FMN1: variants seen among roughly 807,000 people sequenced by gnomAD.
The protein encoded by FMN1 is formin 1, also known as formin-1.
A neutral mutation model predicts 132.4 loss-of-function variants in FMN1; 110 were observed. The ratio of observed to expected loss-of-function variants is 0.83; its 90% CI spans 0.71 to 0.97. The LOEUF is 0.97. Among genes scored for constraint, FMN1 ranks in the 50% least tolerant of loss-of-function variants. The pLI, the probability that FMN1 is intolerant of heterozygous loss-of-function variation, is 0.00. For synonymous variants in FMN1, 722 were observed against 651.7 expected (o/e 1.11, Z -1.64); for missense variants, 1,792 against 1,705.3 (o/e 1.05, Z -0.90).
chr15:33,084,366 C>T (rs1382306985), intron 5 of FMN1, among the ~76,000 whole-genome samples: 1 of 152,130 alleles, frequency 6.6e-6, no homozygotes, highest in Non-Finnish European at 1.5e-5. Flanking sequence ...AAGAGGGGGT[C>T]ATAGGAACCT....
intron 6 of FMN1, among the ~76,000 whole-genome samples, chr15:33,015,037 A>G (rs1236882188): frequency 6.6e-6 from 1 of 152,258 alleles, no homozygotes; most frequent in Non-Finnish European, 1.5e-5. Context: ...CTTACTTTAC[A>G]GATGAGAAAA....
chr15:32,968,814 G>A lies in FMN1; in HGVS notation c.2887C>T (p.Leu963Phe). 1 of 1,611,558 alleles carries A rather than the reference G, an allele frequency of 6.2e-7. No homozygotes were observed. Among genetic ancestry groups the A allele is most frequent in the East Asian group, 2.2e-5 (1 of 44,714 alleles). Residue 963 changes from leucine (L) to phenylalanine (F), a missense_variant, in exon 8 of 21, where the codon CTT (leucine) becomes TTT (phenylalanine). By Grantham distance (22) the Leu-to-Phe change is conservative. Transcript: ENST00000616417. ...PPPPPGLFFG[L>F]GSSSSQCPRK... ...GGACATTGACTGGAAGAAGAGCCAAGTCCAAAGAAGAGTCCAGGGGGAGGT... is the reference window on the plus strand; with the variant it reads ...GGACATTGACTGGAAGAAGAGCCAAATCCAAAGAAGAGTCCAGGGGGAGGT...
intron 13 of FMN1, among the ~76,000 whole-genome samples, chr15:32,901,413 T>C (rs1264406022): frequency 6.6e-6 from 1 of 152,242 alleles, no homozygotes; most frequent in Non-Finnish European, 1.5e-5. Context: ...GGTGCTAGAA[T>C]TTAACCTTAT....
Position 33,084,484 on chromosome 15 carries a change from A to G in FMN1, c.2043+4315T>C, listed in dbSNP as rs114385229. On this transcript the variant is annotated intron_variant, in intron 5 of 20. Coordinates refer to ENST00000616417, the MANE Select transcript of FMN1 (RefSeq NM_001277313.2). ...TGGGACCGAATCCTTAACTTGTGGG[A>G]TGTGGCTACAGTTCCAAGTAGATCG... 2.1e-3 allele frequency among the ~76,000 whole-genome samples: 325 copies of G among 152,180 alleles called. 3 individuals are homozygous for G. The highest frequency in any genetic ancestry group is 7.7e-3 in the African/African-American group (320 of 41,504).
intron 9 of FMN1, among the ~76,000 whole-genome samples, chr15:32,959,581 T>C (rs574872071): frequency 9.8e-5 from 15 of 152,320 alleles, no homozygotes; most frequent in African/African-American, 3.6e-4. Flanking sequence ...ACTACACAAG[T>C]GCACGGATTC....
At chr15:33,097,364 G>T (rs2039128285) in intron 4 of FMN1, among the ~76,000 whole-genome samples, 1 of 150,004 alleles carries the variant, frequency 6.7e-6, no homozygotes, top group Admixed American at 6.6e-5. Context: ...AATACTTAAA[G>T]AAGTATTGGC....
intron 6 of FMN1, among the ~76,000 whole-genome samples, chr15:33,016,827 G>T (rs12050843): frequency 0.26 from 39,571 of 152,060 alleles, 5,451 homozygotes; most frequent in Non-Finnish European, 0.31. Flanking sequence ...CGCAGGAGAT[G>T]TGAACCACAC....
chr15:32,862,360 T>C (rs921150938), intron 16 of FMN1, among the ~76,000 whole-genome samples: 1 of 152,216 alleles, frequency 6.6e-6, no homozygotes, highest in Non-Finnish European at 1.5e-5. Context: ...CACAATTTTT[T>C]GGCAATTAAA....
intron 9 of FMN1, among the ~76,000 whole-genome samples, chr15:32,950,421 G>C (rs921455927): frequency 6.6e-6 from 1 of 151,962 alleles, no homozygotes. Context: ...CAATAGCAAA[G>C]ACATGGAATC....
intron 4 of FMN1, among the ~76,000 whole-genome samples, chr15:33,133,371 C>G (rs1186618216): frequency 6.6e-6 from 1 of 152,186 alleles, no homozygotes; most frequent in Admixed American, 6.5e-5. Flanking sequence ...GTCTTCTGGT[C>G]TCTAAGGAAC....
intron 9 of FMN1, among the ~76,000 whole-genome samples, chr15:32,952,141 CTAAG>C (rs1281900500): frequency 6.6e-6 from 1 of 152,156 alleles, no homozygotes; most frequent in Non-Finnish European, 1.5e-5. Flanking sequence ...TTTTATAGGG[CTAAG>C]TTTTTCAGAT....
chr15:32,788,655 A>G (rs1192877257), intron 19 of FMN1, among the ~76,000 whole-genome samples: 2 of 152,214 alleles, frequency 1.3e-5, no homozygotes, highest in Non-Finnish European at 2.9e-5. Flanking sequence ...ACAGATAAGT[A>G]ATTTAGAAAT....
At chr15:33,079,666 C>T (rs941103253) in intron 5 of FMN1, among the ~76,000 whole-genome samples, 1 of 152,212 alleles carries the variant, frequency 6.6e-6, no homozygotes, top group African/African-American at 2.4e-5. Context: ...CATTATCTTT[C>T]AATTTGTAGA....
chr15:33,034,255 G>A lies in FMN1; in HGVS notation c.2162-26180C>T, dbSNP rs113765366. ...TTCCCCCTAAACATGCTCCACCCAC[G>A]GTCATCTTCTCCAGTCCATGGCAAT... is the stretch of plus-strand genomic sequence containing the variant. On this transcript the variant is annotated intron_variant, in intron 6 of 20. Transcript: ENST00000616417. 7.3e-3 allele frequency among the ~76,000 whole-genome samples: 1,105 copies of A among 152,074 alleles called. 10 individuals are homozygous for A. Among genetic ancestry groups the A allele is most frequent in the African/African-American group, 0.025 (1,017 of 41,474 alleles).
At chr15:32,856,757 G>A (rs2059141540) in intron 17 of FMN1, among the ~76,000 whole-genome samples, 1 of 152,194 alleles carries the variant, frequency 6.6e-6, no homozygotes, top group Admixed American at 6.5e-5. Flanking sequence ...AAAAAAGTTT[G>A]TCCTCAGAGA....
intron 8 of FMN1, among the ~76,000 whole-genome samples, chr15:32,964,572 C>A (rs1321698451): frequency 6.6e-6 from 1 of 152,154 alleles, no homozygotes; most frequent in African/African-American, 2.4e-5. Context: ...CAAGCTGCTC[C>A]TCCCTCAGCC....
At chr15:33,113,590 A>T (rs2039797335) in intron 4 of FMN1, among the ~76,000 whole-genome samples, 1 of 152,082 alleles carries the variant, frequency 6.6e-6, no homozygotes, top group African/African-American at 2.4e-5. Flanking sequence ...GAAAACACAA[A>T]AATCATCCAG....
At chr15:33,014,047 G>T (rs1022130435) in intron 6 of FMN1, among the ~76,000 whole-genome samples, 2 of 152,124 alleles carry the variant, frequency 1.3e-5, no homozygotes, top group African/African-American at 4.8e-5. Context: ...TTTACCAAGA[G>T]TCCCAGTGTG....
chr15:32,901,627 T>C (rs2060298599), intron 13 of FMN1, among the ~76,000 whole-genome samples: 1 of 152,234 alleles, frequency 6.6e-6, no homozygotes, highest in Non-Finnish European at 1.5e-5. Context: ...GATTGGTTTT[T>C]AGTGGCCAGT....
Sources: allele counts gnomAD v4.1 joint callset (sites outside exome capture counted in the v4.1 genomes callset), GRCh38; gene constraint gnomAD v4.1.1; transcripts MANE v1.5; gene names NCBI Gene and HGNC (gene_info 2026-07-23, HGNC 2026-07-21).